ORC1: variants seen among roughly 807,000 people sequenced by gnomAD.
The protein encoded by ORC1 is origin recognition complex subunit 1.
Under a neutral mutation model 98.9 loss-of-function variants are expected in ORC1, and 61 were observed. That is an observed-to-expected ratio of 0.62 (90% confidence interval 0.50 to 0.76). The LOEUF (loss-of-function observed/expected upper bound fraction) is 0.76, where lower values mean the gene tolerates loss of function less well. ORC1 is among the 30% of genes least tolerant of loss of function. ORC1 has a pLI of 0.00. For synonymous variants in ORC1, 385 were observed against 406.9 expected, an observed-to-expected ratio of 0.95 and a Z score of 0.65; for missense variants, 979 against 1,072.2, an observed-to-expected ratio of 0.91 and a Z score of 1.21.
At chr1:52,376,554 T>A (rs1376553483) in intron 14 of ORC1, among the ~76,000 whole-genome samples, 2 of 152,070 alleles carry the variant, frequency 1.3e-5, no homozygotes, top group African/African-American at 2.4e-5. Flanking sequence ...ACTATCGGCT[T>A]ACATTTTTCC....
chr1:52,387,946 C>T (rs912996451), intron 8 of ORC1, among the ~76,000 whole-genome samples: 2 of 152,184 alleles, frequency 1.3e-5, no homozygotes, highest in Non-Finnish European at 2.9e-5. Context: ...GATCTGAATA[C>T]CTTTTCAGTG....
At chr1:52,376,036 T>G (rs968566416) in intron 14 of ORC1, among the ~76,000 whole-genome samples, 1 of 152,018 alleles carries the variant, frequency 6.6e-6, no homozygotes, top group African/African-American at 2.4e-5. Flanking sequence ...CGTGGTGAAT[T>G]TGGGGTCGGC....
chr1:52,376,998 G>A (rs1232686187), intron 14 of ORC1, among the ~76,000 whole-genome samples: 1 of 152,028 alleles, frequency 6.6e-6, no homozygotes, highest in Non-Finnish European at 1.5e-5. Context: ...GTGGATGTGG[G>A]CACACACAAA....
chr1:52,401,524 C>T lies in ORC1; in HGVS notation c.96-35G>A, dbSNP rs1647708155. On this transcript the variant is annotated intron_variant, in intron 2 of 16. Coordinates refer to ENST00000371568, the MANE Select transcript of ORC1 (RefSeq NM_004153.4). ...AACAGAGAAGCACATTAGGAAATAA[C>T]TTAAAGTGGGTCAAGCTCTTCAGAT... 1.9e-6 allele frequency: 3 copies of T among 1,612,672 alleles called. No homozygotes were observed. The African/African-American group carries it at 4.0e-5, about 21-fold the overall frequency.
intron 14 of ORC1, among the ~76,000 whole-genome samples, chr1:52,376,942 G>A (rs1363761453): frequency 6.6e-6 from 1 of 152,174 alleles, no homozygotes; most frequent in Non-Finnish European, 1.5e-5. Flanking sequence ...GACCCATCAC[G>A]CAGAACGGAT....
upstream of ORC1, among the ~76,000 whole-genome samples, chr1:52,407,207 C>T (rs528322271): frequency 9.9e-5 from 15 of 152,118 alleles, no homozygotes; most frequent in Admixed American, 2.0e-4. Context: ...TTACTAGAGA[C>T]GGCATTTCAC....
intron 14 of ORC1, among the ~76,000 whole-genome samples, chr1:52,380,980 G>A (rs953650932): frequency 1.3e-5 from 2 of 152,164 alleles, no homozygotes; most frequent in Non-Finnish European, 2.9e-5. Flanking sequence ...GTCGGCAAGA[G>A]GAAACTAGAA....
At chr1:52,404,748 A>G, upstream of ORC1, 1 of 1,612,552 alleles carries the variant, frequency 6.2e-7, no homozygotes, top group Non-Finnish European at 8.5e-7. Flanking sequence ...AGGCATTCTA[A>G]AATGGCTAAC....
intron 1 of ORC1, among the ~76,000 whole-genome samples, 174 bp from the exon 2 acceptor site, chr1:52,402,402 G>C (rs1352407209): frequency 6.6e-6 from 1 of 152,170 alleles, no homozygotes; most frequent in Non-Finnish European, 1.5e-5. Flanking sequence ...CATGGTCTAC[G>C]AAGATTACAC....
At chr1:52,405,575 T>C, upstream of ORC1, 3 of 990,772 alleles carry the variant, frequency 3.0e-6, no homozygotes, top group South Asian at 4.5e-5. Flanking sequence ...TCTCCTAATA[T>C]TACACTGTTG....
chr1:52,389,262 C>G lies in ORC1; in HGVS notation c.1142G>C (p.Arg381Thr), dbSNP rs775610496. 1 of 1,614,188 alleles carries G rather than the reference C, an allele frequency of 6.2e-7. No individual in the cohort carries two copies. The highest frequency in any genetic ancestry group is 8.5e-7 in the Non-Finnish European group (1 of 1,180,028). The change falls in exon 7 of 17, where the codon AGA (arginine) becomes ACA (threonine). Residue 381 changes from arginine (R) to threonine (T), a missense_variant. Transcript: ENST00000371568. ...EATSTPHRIR[R>T]KSSVLTMNRI... ...ATTCATAGTCAAGACAGAACTCTTT[C>G]TGCGGATACGATGGGGAGTAGAGGT...
In ORC1 at chr1:52,385,281, G is replaced by A. The variant is rs552280232; in HGVS notation, c.1482-19C>T. 1.5e-5 allele frequency: 22 copies of A among 1,497,536 alleles called. No homozygotes were observed. Among genetic ancestry groups the A allele is most frequent in the Middle Eastern group, 1.7e-4 (1 of 5,884 alleles). 92.8% of individuals were successfully genotyped at this position (1,497,536 alleles called of 1,614,324 possible). On this transcript the variant is annotated intron_variant, in intron 9 of 16. Coordinates refer to ENST00000371568, the MANE Select transcript of ORC1 (RefSeq NM_004153.4). The stretch of plus-strand genomic sequence containing the variant: ...ATGCAGCCTACCATTGGTGGTAAAC[G>A]GGAGAAAAGGAAGACTTTAGGAACA...
intron 3 of ORC1, among the ~76,000 whole-genome samples, chr1:52,400,252 C>A (rs1007337768): frequency 6.6e-6 from 1 of 152,192 alleles, no homozygotes; most frequent in Non-Finnish European, 1.5e-5. Flanking sequence ...GATGCTGCCA[C>A]TAACCCTGTA....
intron 8 of ORC1, among the ~76,000 whole-genome samples, chr1:52,387,006 G>A (rs944379102): frequency 1.3e-5 from 2 of 152,148 alleles, no homozygotes; most frequent in African/African-American, 4.8e-5. Flanking sequence ...AAACAGAAAA[G>A]TGTTGACAAG....
At position 52,374,916 on chromosome 1, in the gene ORC1, A is replaced by T. The variant is rs968192457; in HGVS notation, c.2304-19T>A. On this transcript the variant is annotated intron_variant, in intron 15 of 16. Transcript: ENST00000371568. ...GGAATTTCTTAAAGGAAACGAGGGG[A>T]TGTGAGTTTTTGTCAGTGGCTGTAA... The T allele has an allele frequency of 7.7e-6, 12 of 1,566,566 alleles. No individual in the cohort carries two copies. In the African/African-American group the frequency reaches 1.6e-4, roughly 21 times the overall value.
upstream of ORC1, chr1:52,404,657 T>C (rs866903321): frequency 3.7e-5 from 53 of 1,426,896 alleles, no homozygotes; most frequent in South Asian, 6.6e-4. Flanking sequence ...GTGAAACTTC[T>C]TCCACCTTTC....
Position 52,393,463 on chromosome 1 carries a change from T to A in ORC1, c.1062A>T (p.Lys354Asn). Residue 354 changes from lysine to asparagine, a missense_variant, in exon 6 of 17, where the codon AAA (lysine) becomes AAT (asparagine). Physicochemically the swap from Lys to Asn is moderately conservative, Grantham distance 94. Transcript: ENST00000371568. ...RSSVVPSVIL[K>N]PENIKKRDAK... The stretch of plus-strand genomic sequence containing the variant: ...GTCACCTCTTTTTGATGTTTTCTGG[T>A]TTCAGAATCACGGATGGCACCACTG... The A allele has an allele frequency of 6.2e-7, 1 of 1,614,236 alleles. No individual in the cohort carries two copies. Among genetic ancestry groups the A allele is most frequent in the Non-Finnish European group, 8.5e-7 (1 of 1,180,040 alleles).
At position 52,396,241 on chromosome 1, in the gene ORC1, A is replaced by G. The variant is rs763269346; in HGVS notation, c.526T>C (p.Leu176=). The change falls in exon 5 of 17, where the codon TTG becomes CTG. Residue 176 remains leucine (L), a synonymous_variant. Coordinates refer to ENST00000371568, the MANE Select transcript of ORC1 (RefSeq NM_004153.4). The stretch of plus-strand genomic sequence containing the variant: ...GCTGCACTCTCTTGTGGTTTATTCA[A>G]CTCCGCAAATAGTTCTGAGGAAAGT... The part of the protein sequence containing the change: ...RPLSSELFAE[L]NKPQESAAKC... 2 of 1,613,978 alleles carry G rather than the reference A, an allele frequency of 1.2e-6. No individual in the cohort carries two copies. Among genetic ancestry groups the G allele is most frequent in the Non-Finnish European group, 1.7e-6 (2 of 1,180,002 alleles).
At chr1:52,383,658 G>T (rs1647103454) in intron 12 of ORC1, 89 bp from the exon 13 acceptor site, 2 of 1,467,236 alleles carry the variant, frequency 1.4e-6, no homozygotes, top group African/African-American at 1.4e-5. Flanking sequence ...TGCTTTAGCT[G>T]CATGTTTCCC....
Sources: gnomAD v4.1 joint callset for allele counts (sites outside exome capture counted in the v4.1 genomes callset) on GRCh38, gnomAD v4.1.1 for gene constraint, MANE v1.5 for transcripts, NCBI Gene and HGNC (gene_info 2026-07-23, HGNC 2026-07-21) for gene names.